The following KIF21A variants were observed in gnomAD, a reference collection of about 807,000 sequenced individuals.
KIF21A encodes the protein kinesin-like protein KIF21A.
In KIF21A, 114 loss-of-function variants were observed where a neutral mutation model predicts 202.9. The observed-to-expected ratio is 0.56, with a 90% CI of 0.48 to 0.66. The LOEUF is 0.66. Ranked by LOEUF, KIF21A falls within the 30% of genes least tolerant of loss-of-function variation. The probability of loss-of-function intolerance (pLI) is 0.00; values close to 1 mark genes in which losing one functional copy is unlikely to be tolerated. For missense variants in KIF21A, 1,677 were observed against 1,994.9 expected (o/e 0.84, Z 3.04); for synonymous variants, 667 against 670.8 (o/e 0.99, Z 0.09).
At chr12:39,313,870 T>C (rs933824221) in intron 31 of KIF21A, among the ~76,000 whole-genome samples, 2 of 151,684 alleles carry the variant, frequency 1.3e-5, no homozygotes, top group Admixed American at 6.6e-5. Flanking sequence ...CATTGAAAAA[T>C]TGGAGCCTTT....
intron 1 of KIF21A, among the ~76,000 whole-genome samples, chr12:39,441,660 TAAAAA>T (rs56245570): frequency 0.33 from 12,706 of 37,942 alleles, 2,594 homozygotes; most frequent in South Asian, 0.6. Context: ...CCCTGGGTGG[TAAAAA>T]AAAAAAAAAA....
chr12:39,369,993 C>T, intron 2 of KIF21A, 46 bp downstream of exon 2: 1 of 1,592,218 alleles, frequency 6.3e-7, no homozygotes, highest in Non-Finnish European at 8.6e-7. Context: ...ACTGAATTAA[C>T]ATTTCTGAAA....
At chr12:39,360,308 T>C (rs1194606711) in intron 7 of KIF21A, among the ~76,000 whole-genome samples, 1 of 152,120 alleles carries the variant, frequency 6.6e-6, no homozygotes, top group Non-Finnish European at 1.5e-5. Flanking sequence ...TTGTATATTA[T>C]ATTTCTTACA....
intron 1 of KIF21A, among the ~76,000 whole-genome samples, chr12:39,407,551 C>T (rs1952696079): frequency 6.6e-6 from 1 of 152,096 alleles, no homozygotes; most frequent in African/African-American, 2.4e-5. Flanking sequence ...ACTATGCTGC[C>T]AGAAATATTC....
chr12:39,326,239 C>G (rs376258755), intron 25 of KIF21A, 25 bp downstream of exon 25: 1 of 1,525,938 alleles, frequency 6.6e-7, no homozygotes, highest in African/African-American at 1.4e-5. Flanking sequence ...TAAGTCAACT[C>G]TATTGTTTCT....
At chr12:39,362,665 TA>T (rs201884377) in intron 7 of KIF21A, among the ~76,000 whole-genome samples, 43 of 148,696 alleles carry the variant, frequency 2.9e-4, no homozygotes, top group African/African-American at 8.4e-4. Flanking sequence ...GAAGACTTTG[TA>T]AAAAAAAAAG....
chr12:39,386,877 C>T (rs897675330), intron 1 of KIF21A, among the ~76,000 whole-genome samples: 3 of 152,014 alleles, frequency 2.0e-5, no homozygotes, highest in African/African-American at 7.2e-5. Flanking sequence ...GAAGACACAA[C>T]CTAAACTGAC....
Position 39,326,033 on chromosome 12 carries a change from T to C in KIF21A, c.3402-140A>G, listed in dbSNP as rs923529731. On this transcript the variant is annotated intron_variant, in intron 25 of 37. Transcript: ENST00000361418. ...AGACAATATTTAAAGTCAAAATGAA[T>C]TAATTTAAAAATAATTCATTTATGT... 6 of 700,618 alleles carry C rather than the reference T, an allele frequency of 8.6e-6. No homozygotes were observed. In the African/African-American group the frequency reaches 9.1e-5, roughly 11 times the overall value. 43.4% of individuals were successfully genotyped at this position (700,618 alleles called of 1,614,324 possible). A position where few individuals can be genotyped will look rare whatever the true frequency, so the allele number is the denominator to read the frequency against.
chr12:39,351,211 G>A (rs1180867574), intron 11 of KIF21A, among the ~76,000 whole-genome samples: 3 of 152,064 alleles, frequency 2.0e-5, no homozygotes, highest in Non-Finnish European at 4.4e-5. Context: ...CAGAACAGTG[G>A]TGAAAAGCTG....
rs1369122644 is a variant in KIF21A, at chr12:39,330,823, T to A, written c.3242A>T (p.Gln1081Leu). Residue 1081 changes from glutamine (Q) to leucine (L), a missense_variant, in exon 23 of 38, where the codon CAG becomes CTG. By Grantham distance (113) the Gln-to-Leu change is moderately radical. Around this residue, in one of 3 missense-constraint regions of KIF21A, gnomAD observed 705 missense variants for 791.9 expected, o/e 0.89. Coordinates refer to ENST00000361418, the MANE Select transcript of KIF21A (RefSeq NM_001173464.2). ...CTCTTTCAACATATGGAATAAGAGC[T>A]GGTTTTGGGTAGCACTGGTTATTTC... The part of the protein sequence containing the change: ...QTEITSATQN[Q>L]LLFHMLKEKA... 6.2e-7 allele frequency: 1 copy of A among 1,613,968 alleles called. No individual in the cohort carries two copies. The highest frequency in any genetic ancestry group is 1.1e-5 in the South Asian group (1 of 91,072).
intron 1 of KIF21A, among the ~76,000 whole-genome samples, chr12:39,426,375 G>A (rs1028439227): frequency 4.6e-5 from 7 of 152,036 alleles, no homozygotes; most frequent in African/African-American, 7.2e-5. Flanking sequence ...ATGAACAGTC[G>A]TCAATAAATA....
At chr12:39,340,479 G>T (rs745876498) in intron 15 of KIF21A, 115 bp from the exon 16 acceptor site, 22 of 724,332 alleles carry the variant, frequency 3.0e-5, no homozygotes, top group Non-Finnish European at 5.1e-5. Context: ...CCACATCTCA[G>T]AAGACTAGGG....
intron 25 of KIF21A, among the ~76,000 whole-genome samples, 151 bp downstream of exon 25, chr12:39,326,111 CTT>C (rs1945882238): frequency 6.6e-6 from 1 of 152,032 alleles, no homozygotes; most frequent in Non-Finnish European, 1.5e-5. Context: ...TTAAGCATGA[CTT>C]AACTTGGTTT....
intron 37 of KIF21A, among the ~76,000 whole-genome samples, chr12:39,297,009 G>C (rs1239519088): frequency 6.6e-6 from 1 of 152,182 alleles, no homozygotes; most frequent in Non-Finnish European, 1.5e-5. Context: ...GATTAAGTCT[G>C]GTGAAGAAGT....
At chr12:39,412,009 A>G (rs376423718) in intron 1 of KIF21A, among the ~76,000 whole-genome samples, 36 of 151,468 alleles carry the variant, frequency 2.4e-4, no homozygotes, top group Middle Eastern at 3.4e-3. Flanking sequence ...TAATTTTTGT[A>G]ATTTTTTTTT....
At chr12:39,313,857 G>A (rs150437560) in intron 31 of KIF21A, among the ~76,000 whole-genome samples, 334 of 151,864 alleles carry the variant, frequency 2.2e-3, no homozygotes, top group Non-Finnish European at 3.8e-3. Context: ...ATTTTAAGAA[G>A]AACATTGAAA....
At chr12:39,437,893 T>C (rs929924187) in intron 1 of KIF21A, among the ~76,000 whole-genome samples, 7 of 152,228 alleles carry the variant, frequency 4.6e-5, no homozygotes, top group Admixed American at 3.9e-4. Context: ...CTTACTCATT[T>C]GCTTCCATAT....
chr12:39,305,118 C>A (rs2137203886), intron 34 of KIF21A, among the ~76,000 whole-genome samples, 180 bp from the exon 35 acceptor site: 1 of 151,960 alleles, frequency 6.6e-6, no homozygotes, highest in East Asian at 1.9e-4. Flanking sequence ...GTAATCCCAG[C>A]ACTTTGGGAG....
At chr12:39,348,712 C>G (rs751934925) in intron 11 of KIF21A, among the ~76,000 whole-genome samples, 1 of 151,632 alleles carries the variant, frequency 6.6e-6, no homozygotes, top group Non-Finnish European at 1.5e-5. Context: ...GCCAGGACAG[C>G]TTAGAAGAGC....
Sources: gnomAD v4.1 joint callset for allele counts (sites outside exome capture counted in the v4.1 genomes callset) on GRCh38, gnomAD v4.1.1 for gene constraint, gnomAD v4.1.1 regional missense constraint, MANE v1.5 for transcripts, NCBI Gene and HGNC (gene_info 2026-07-23, HGNC 2026-07-21) for gene names.